LRRTM4: variants seen among roughly 807,000 people sequenced by gnomAD.
The protein encoded by LRRTM4 is leucine-rich repeat transmembrane neuronal protein 4.
In LRRTM4, 25 loss-of-function variants were observed where a neutral mutation model predicts 47.6. The observed-to-expected ratio is 0.53, with a 90% CI of 0.38 to 0.73. The LOEUF (loss-of-function observed/expected upper bound fraction) is 0.73, where lower values mean the gene tolerates loss of function less well. LRRTM4 is among the 30% of genes least tolerant of loss of function. The pLI, the probability that LRRTM4 is intolerant of heterozygous loss-of-function variation, is 0.00. For synonymous variants in LRRTM4, 311 were observed against 269.5 expected, an observed-to-expected ratio of 1.15 and a Z score of -1.51; for missense variants, 638 against 713.4, an observed-to-expected ratio of 0.89 and a Z score of 1.20.
At chr2:77,308,237 T>G (rs1007109631) in intron 3 of LRRTM4, among the ~76,000 whole-genome samples, 1 of 151,340 alleles carries the variant, frequency 6.6e-6, no homozygotes, top group African/African-American at 2.4e-5. Context: ...GATTTATCGT[T>G]AATAAAATGA....
In LRRTM4 at chr2:76,798,794, A is replaced by C. The variant is rs1675500011; in HGVS notation, c.1552-49878T>G. Among the ~76,000 whole-genome samples, 14 of 151,874 alleles carry C rather than the reference A, an allele frequency of 9.2e-5. No homozygotes were observed. The South Asian group carries it at 2.9e-3, about 32-fold the overall frequency. On this transcript the variant is annotated intron_variant, in intron 3 of 3. Transcript: ENST00000409884. ...ATCACCACCGATCCCACAGAAATACAAACTACCATCAGAGAATACTACAAA... is the reference window on the plus strand; with the variant it reads ...ATCACCACCGATCCCACAGAAATACCAACTACCATCAGAGAATACTACAAA...
intron 3 of LRRTM4, among the ~76,000 whole-genome samples, chr2:77,150,232 A>G (rs1672379306): frequency 6.6e-6 from 1 of 152,194 alleles, no homozygotes; most frequent in Non-Finnish European, 1.5e-5. Context: ...TTAAATAAAT[A>G]GAATTTGCTT....
At chr2:77,137,758 C>A (rs1671991362) in intron 3 of LRRTM4, among the ~76,000 whole-genome samples, 1 of 151,688 alleles carries the variant, frequency 6.6e-6, no homozygotes, top group African/African-American at 2.4e-5. Flanking sequence ...CACATAGGCT[C>A]AAAATAAAGG....
intron 3 of LRRTM4, among the ~76,000 whole-genome samples, chr2:77,062,389 T>G (rs1455602655): frequency 6.6e-6 from 1 of 152,208 alleles, no homozygotes; most frequent in Non-Finnish European, 1.5e-5. Context: ...TTCGAGTCCC[T>G]GCAGGAAAAT....
chr2:77,493,173 T>A (rs955110317), intron 3 of LRRTM4, among the ~76,000 whole-genome samples: 11 of 152,054 alleles, frequency 7.2e-5, no homozygotes, highest in African/African-American at 2.4e-4. Flanking sequence ...AAAGTCATAG[T>A]GTTAAATACG....
At chr2:76,953,603 T>G (rs993979554) in intron 3 of LRRTM4, among the ~76,000 whole-genome samples, 4 of 151,842 alleles carry the variant, frequency 2.6e-5, no homozygotes, top group Non-Finnish European at 5.9e-5. Context: ...TGGTATACCT[T>G]GAATGTCTGG....
chr2:77,180,339 G>A (rs374346930), intron 3 of LRRTM4, among the ~76,000 whole-genome samples: 1 of 152,168 alleles, frequency 6.6e-6, no homozygotes, highest in African/African-American at 2.4e-5. Context: ...CTGCTGGTCT[G>A]TCTAATATTT....
intron 3 of LRRTM4, among the ~76,000 whole-genome samples, chr2:76,913,333 A>G (rs1434073420): frequency 2.6e-5 from 4 of 151,548 alleles, no homozygotes; most frequent in Admixed American, 1.3e-4. Flanking sequence ...AGTGAGTGAT[A>G]TATTTTTCTT....
chr2:76,968,445 TTC>T (rs1676111051), intron 3 of LRRTM4, among the ~76,000 whole-genome samples: 1 of 148,132 alleles, frequency 6.8e-6, no homozygotes, highest in African/African-American at 2.5e-5. Context: ...GCATTCCCTT[TTC>T]TCTCTCTGCT....
At chr2:77,001,424 T>G (rs542014286) in intron 3 of LRRTM4, among the ~76,000 whole-genome samples, 8 of 152,226 alleles carry the variant, frequency 5.3e-5, no homozygotes, top group Admixed American at 5.2e-4. Flanking sequence ...AAGCCAACCA[T>G]ATCAGAATGC....
rs546916612 is a variant in LRRTM4, at chr2:76,856,695, G to C, written c.1552-107779C>G. On this transcript the variant is annotated intron_variant, in intron 3 of 3. Coordinates refer to ENST00000409884, the MANE Select transcript of LRRTM4 (RefSeq NM_001134745.3). ...AAATGTTTTATTGCCATTAAAAATA[G>C]CTTATATTAAATGACTTGAAAATAT... 2.0e-5 allele frequency among the ~76,000 whole-genome samples: 3 copies of C among 151,986 alleles called. No individual in the cohort carries two copies. In the South Asian group the frequency reaches 6.3e-4, roughly 32 times the overall value.
intron 3 of LRRTM4, among the ~76,000 whole-genome samples, chr2:76,914,632 T>C (rs1349357897): frequency 6.6e-6 from 1 of 152,188 alleles, no homozygotes; most frequent in African/African-American, 2.4e-5. Flanking sequence ...GTAAATGCAT[T>C]CTTCCTCTTA....
At chr2:76,953,030 C>A (rs1215768470) in intron 3 of LRRTM4, among the ~76,000 whole-genome samples, 1 of 151,410 alleles carries the variant, frequency 6.6e-6, no homozygotes, top group Non-Finnish European at 1.5e-5. Context: ...GACTACTAGA[C>A]AAGAAAGAAA....
chr2:77,276,659 A>T (rs1218656325), intron 3 of LRRTM4, among the ~76,000 whole-genome samples: 2 of 137,244 alleles, frequency 1.5e-5, no homozygotes, highest in Admixed American at 7.5e-5. Flanking sequence ...AGATCAGTAA[A>T]TGTTCTTGTA....
At chr2:77,236,583 G>C (rs1387996695) in intron 3 of LRRTM4, among the ~76,000 whole-genome samples, 1 of 151,850 alleles carries the variant, frequency 6.6e-6, no homozygotes, top group Non-Finnish European at 1.5e-5. Flanking sequence ...ATGAGAATGA[G>C]CATCCTTTTC....
chr2:76,956,646 A>G (rs1316104058), intron 3 of LRRTM4, among the ~76,000 whole-genome samples: 2 of 151,230 alleles, frequency 1.3e-5, no homozygotes, highest in African/African-American at 4.8e-5. Context: ...AAATTAAAAT[A>G]TTAATAAAAT....
intron 3 of LRRTM4, among the ~76,000 whole-genome samples, chr2:77,097,469 A>G (rs1670841122): frequency 6.6e-6 from 1 of 151,974 alleles, no homozygotes; most frequent in Admixed American, 6.6e-5. Flanking sequence ...CCGTAAAATC[A>G]TGTTTAACAA....
At chr2:77,457,053 T>TATATAC (rs1558752167) in intron 3 of LRRTM4, among the ~76,000 whole-genome samples, 1 of 62,224 alleles carries the variant, frequency 1.6e-5, no homozygotes, top group African/African-American at 4.7e-5. Flanking sequence ...TATATATATG[T>TATATAC]ATAACCTGGA....
rs139645815 is a variant in LRRTM4, at chr2:76,882,207, G to T, written c.1552-133291C>A. Among the ~76,000 whole-genome samples the T allele has an allele frequency of 3.9e-3, 601 of 152,166 alleles. 1 individual carries two copies. The highest frequency in any genetic ancestry group is 0.014 in the African/African-American group (576 of 41,540). ...TCTATATAAGATATTAATATTTTCT[G>T]TTTGGTATTGTGAAGGTCTGTGGTT... On this transcript the variant is annotated intron_variant, in intron 3 of 3. Transcript: ENST00000409884.
Sources: allele counts gnomAD v4.1 joint callset (sites outside exome capture counted in the v4.1 genomes callset), GRCh38; gene constraint gnomAD v4.1.1; transcripts MANE v1.5; gene names NCBI Gene and HGNC (gene_info 2026-07-23, HGNC 2026-07-21).